Variants in RAB5A observed in about 807,000 individuals in gnomAD.
The protein encoded by RAB5A is RAB5A, member RAS oncogene family, also known as ras-related protein Rab-5A.
A neutral mutation model predicts 25.7 loss-of-function variants in RAB5A; 8 were observed. That is an observed-to-expected ratio of 0.31 (90% CI 0.18 to 0.56). The LOEUF is 0.56. Ranked by LOEUF, RAB5A falls within the 20% of genes least tolerant of loss-of-function variation. The pLI, the probability that RAB5A is intolerant of heterozygous loss-of-function variation, is 0.91. For missense variants in RAB5A, 192 were observed against 259.7 expected, an observed-to-expected ratio of 0.74 and a Z score of 1.79; for synonymous variants, 98 against 89.8, an observed-to-expected ratio of 1.09 and a Z score of -0.52.
rs373073333 is a variant in RAB5A, at chr3:19,976,056, G to A, written c.325G>A (p.Ala109Thr). Reference protein sequence around the residue: ...VYDITNEESFARAKNWVKELQ... With the variant: ...VYDITNEESFTRAKNWVKELQ... Reference sequence around the variant, plus strand: ...TTTCTTTGTTTAACAGGAGTCCTTTGCAAGAGCAAAAAATTGGGTTAAAGA... The same window carrying A: ...TTTCTTTGTTTAACAGGAGTCCTTTACAAGAGCAAAAAATTGGGTTAAAGA... Residue 109 changes from alanine to threonine, a missense_variant, in exon 4 of 6, where the codon GCA becomes ACA. Coordinates refer to ENST00000273047, the MANE Select transcript of RAB5A (RefSeq NM_004162.5). The A allele has an allele frequency of 8.1e-6, 13 of 1,610,912 alleles. No individual in the cohort carries two copies. The African/African-American group carries it at 1.6e-4, about 20-fold the overall frequency.
chr3:19,968,038 C>T (rs1457488224), intron 2 of RAB5A, among the ~76,000 whole-genome samples: 1 of 152,064 alleles, frequency 6.6e-6, no homozygotes, highest in Non-Finnish European at 1.5e-5. Context: ...ACTCATTTTC[C>T]CAGTGAACCA....
intron 5 of RAB5A, 153 bp downstream of exon 5, chr3:19,978,556 T>G: frequency 1.7e-6 from 1 of 571,924 alleles, no homozygotes; most frequent in Non-Finnish European, 3.2e-6. Context: ...ATTATACCAC[T>G]TTTCTAAGTC....
At position 19,975,709 on chromosome 3, in the gene RAB5A, G is replaced by A. The variant is rs1440455566; in HGVS notation, c.272G>A (p.Arg91Lys). 2 of 1,613,742 alleles carry A rather than the reference G, an allele frequency of 1.2e-6. No individual in the cohort carries two copies. The highest frequency in any genetic ancestry group is 1.7e-5 in the Admixed American group (1 of 59,976). ...RYHSLAPMYY[R>K]GAQAAIVVYD... The stretch of plus-strand genomic sequence containing the variant: ...CATAGCCTAGCACCAATGTACTACA[G>A]AGGAGCACAAGCAGCCATAGTTGTA... Residue 91 changes from arginine to lysine, a missense_variant, in exon 3 of 6, where the codon AGA becomes AAA. By Grantham distance (26) the Arg-to-Lys change is conservative. This residue lies in a region of RAB5A where 39 missense variants were observed against 91.6 expected (regional missense o/e 0.43). Coordinates refer to ENST00000273047, the MANE Select transcript of RAB5A (RefSeq NM_004162.5).
chr3:19,969,378 T>C (rs1696711872), intron 2 of RAB5A, among the ~76,000 whole-genome samples: 1 of 152,182 alleles, frequency 6.6e-6, no homozygotes, highest in African/African-American at 2.4e-5. Flanking sequence ...ATTTAGGAGA[T>C]AAAAATTGTT....
chr3:19,962,816 T>C (rs1696606831), intron 2 of RAB5A, among the ~76,000 whole-genome samples: 1 of 132,818 alleles, frequency 7.5e-6, no homozygotes, highest in African/African-American at 3.2e-5. Flanking sequence ...GTTTCTCTTT[T>C]CTTTTTTGAT....
At chr3:19,964,647 G>A (rs1354082051) in intron 2 of RAB5A, among the ~76,000 whole-genome samples, 1 of 152,206 alleles carries the variant, frequency 6.6e-6, no homozygotes, top group African/African-American at 2.4e-5. Context: ...TGTTTGAGAC[G>A]GAGTCACCCA....
At chr3:19,969,052 T>TTG (rs1197554838) in intron 2 of RAB5A, among the ~76,000 whole-genome samples, 3 of 139,266 alleles carry the variant, frequency 2.2e-5, no homozygotes, top group Non-Finnish European at 3.1e-5. Context: ...TTGGTTTTTT[T>TTG]TTTTTTTTTG....
At chr3:19,960,888 A>C (rs1696575152) in intron 2 of RAB5A, among the ~76,000 whole-genome samples, 1 of 152,168 alleles carries the variant, frequency 6.6e-6, no homozygotes, top group Admixed American at 6.5e-5. Flanking sequence ...TTGGGCCCCA[A>C]AGAAGAAGTG....
chr3:19,983,907 A>G lies in RAB5A; in HGVS notation c.*84A>G, dbSNP rs906592759. On this transcript the variant is annotated 3_prime_UTR_variant, in exon 6 of 6. Coordinates refer to ENST00000273047, the MANE Select transcript of RAB5A (RefSeq NM_004162.5). ...AATTGGAGCATTTAACCAGCCCAGT[A>G]TGACTTCCAAAAGAAGAGACTTATG... 3 of 883,612 alleles carry G rather than the reference A, an allele frequency of 3.4e-6. No individual in the cohort carries two copies. Among genetic ancestry groups the G allele is most frequent in the Admixed American group, 5.3e-5 (2 of 37,614 alleles). 54.7% of individuals were successfully genotyped at this position (883,612 alleles called of 1,614,324 possible).
In RAB5A at chr3:19,950,880, A is replaced by G. The variant is rs1696412218; in HGVS notation, c.-19A>G. 4 of 1,598,434 alleles carry G rather than the reference A, an allele frequency of 2.5e-6. No homozygotes were observed. The highest frequency in any genetic ancestry group is 2.2e-5 in the South Asian group (2 of 89,398). On this transcript the variant is annotated 5_prime_UTR_variant, in exon 2 of 6. Transcript: ENST00000273047. ...TTCATTGAAGAGTCTGAAATTAGGG[A>G]CTTATTTCAAATTTGGACATGGCTA...
intron 4 of RAB5A, 30 bp from the exon 5 acceptor site, chr3:19,978,280 C>CAT (rs1175691393): frequency 2.2e-6 from 3 of 1,364,888 alleles, no homozygotes; most frequent in Non-Finnish European, 3.1e-6. Context: ...AGATATATCT[C>CAT]ATATATCTCA....
chr3:19,947,704 A>G (rs1575064142), intron 1 of RAB5A, 183 bp downstream of exon 1: 2 of 152,462 alleles, frequency 1.3e-5, no homozygotes, highest in East Asian at 1.9e-4. Flanking sequence ...CTGGTGACTC[A>G]TCCTCCAGGG....
At chr3:19,971,123 G>C (rs1274639304) in intron 2 of RAB5A, among the ~76,000 whole-genome samples, 1 of 149,234 alleles carries the variant, frequency 6.7e-6, no homozygotes, top group Non-Finnish European at 1.5e-5. Flanking sequence ...CTCGAACCCA[G>C]GAAGCGGAGG....
intron 2 of RAB5A, among the ~76,000 whole-genome samples, chr3:19,970,960 G>A (rs1696740495): frequency 1.3e-5 from 2 of 152,128 alleles, no homozygotes; most frequent in African/African-American, 2.4e-5. Flanking sequence ...ACTTTGGGAG[G>A]CCAAGGCGGA....
At position 19,947,456 on chromosome 3, in the gene RAB5A, CG is replaced by C. The variant is rs1696328434; in HGVS notation, c.-156del. The C allele has an allele frequency of 6.5e-6, 1 of 154,158 alleles. No individual in the cohort carries two copies. Among genetic ancestry groups the C allele is most frequent in the African/African-American group, 2.4e-5 (1 of 41,456 alleles). The allele number at this position is 154,158 out of a possible 1,614,324, so 9.5% of individuals were successfully genotyped here. A position where few individuals can be genotyped will look rare whatever the true frequency, so the allele number is the denominator to read the frequency against. On this transcript the variant is annotated 5_prime_UTR_variant, in exon 1 of 6. Transcript: ENST00000273047. Reference sequence around the variant, plus strand: ...CCGCCATAGATACACTCTCATCCTACGGGCCACGCCTGGGCCTTGCTGCCAG... The same window carrying C: ...CCGCCATAGATACACTCTCATCCTACGGCCACGCCTGGGCCTTGCTGCCAG...
chr3:19,960,481 G>T (rs1290934180), intron 2 of RAB5A, among the ~76,000 whole-genome samples: 1 of 152,014 alleles, frequency 6.6e-6, no homozygotes, highest in African/African-American at 2.4e-5. Flanking sequence ...TTGTATTTTT[G>T]GTAGAGATGG....
chr3:19,971,719 C>A (rs185624203), intron 2 of RAB5A, among the ~76,000 whole-genome samples: 1 of 152,294 alleles, frequency 6.6e-6, no homozygotes, highest in Non-Finnish European at 1.5e-5. Context: ...AGGTGATCCA[C>A]CTGCCTCGGC....
intron 2 of RAB5A, among the ~76,000 whole-genome samples, chr3:19,952,727 A>C (rs931783482): frequency 1.3e-5 from 2 of 152,070 alleles, no homozygotes; most frequent in African/African-American, 2.4e-5. Context: ...ATGTTAATAC[A>C]CAATATATTA....
chr3:19,978,477 C>G (rs1037444119), intron 5 of RAB5A, 74 bp downstream of exon 5: 7 of 1,171,208 alleles, frequency 6.0e-6, no homozygotes, highest in African/African-American at 1.5e-5. Context: ...TTGACTGTCT[C>G]TTTTTTAAAA....
Sources: gnomAD v4.1 joint callset for allele counts (sites outside exome capture counted in the v4.1 genomes callset) on GRCh38, gnomAD v4.1.1 for gene constraint, gnomAD v4.1.1 regional missense constraint, MANE v1.5 for transcripts, NCBI Gene and HGNC (gene_info 2026-07-23, HGNC 2026-07-21) for gene names.